Variants in ATP11B observed in about 807,000 individuals in gnomAD.
ATP11B encodes the protein phospholipid-transporting ATPase IF.
A neutral mutation model predicts 157.8 loss-of-function variants in ATP11B; 81 were observed. That is an observed-to-expected ratio of 0.51 (90% confidence interval 0.43 to 0.62). The LOEUF is 0.62. Among genes scored for constraint, ATP11B ranks in the 20% least tolerant of loss-of-function variants. The pLI is 0.00. For missense variants in ATP11B, 1,165 were observed against 1,402.2 expected (o/e 0.83, Z 2.70); for synonymous variants, 451 against 469.4 (o/e 0.96, Z 0.51).
chr3:182,918,567 G>C lies in ATP11B; in HGVS notation c.*463G>C. The C allele has an allele frequency of 2.6e-6, 1 of 389,318 alleles. No homozygotes were observed. Among genetic ancestry groups the C allele is most frequent in the East Asian group, 3.6e-5 (1 of 27,554 alleles). 24.1% of individuals were successfully genotyped at this position (389,318 alleles called of 1,614,324 possible). ...TTTTTTTATTAGAGTTATATTTAAA[G>C]CTTTTCATGGGAAAAGTTAATGTGA... On this transcript the variant is annotated 3_prime_UTR_variant, in exon 30 of 30. Transcript: ENST00000323116.
chr3:182,799,577 AGT>A (rs1233680909), intron 1 of ATP11B, among the ~76,000 whole-genome samples: 2 of 152,056 alleles, frequency 1.3e-5, no homozygotes, highest in African/African-American at 4.8e-5. Context: ...GCCCGGCCCG[AGT>A]GCTGATCATT....
At position 182,794,933 on chromosome 3, in the gene ATP11B, T is replaced by C. The variant is rs536491237; in HGVS notation, c.27+1147T>C. 2.0e-5 allele frequency among the ~76,000 whole-genome samples: 3 copies of C among 152,346 alleles called. No homozygotes were observed. The East Asian group carries it at 5.8e-4, about 29-fold the overall frequency. On this transcript the variant is annotated intron_variant, in intron 1 of 29. Transcript: ENST00000323116. ...TGGGACGAAAGCACTGATAACTCTT[T>C]TTCCCTTCTGCTCTAGAAAAGCATT...
chr3:182,883,792 A>G (rs1390243635), intron 21 of ATP11B, among the ~76,000 whole-genome samples: 2 of 150,316 alleles, frequency 1.3e-5, no homozygotes, highest in East Asian at 4.0e-4. Flanking sequence ...CGTCTCTACT[A>G]AAAATACAAA....
intron 7 of ATP11B, among the ~76,000 whole-genome samples, chr3:182,840,059 T>G (rs73050639): frequency 0.12 from 18,827 of 152,224 alleles, 1,321 homozygotes; most frequent in African/African-American, 0.19. Flanking sequence ...TCCAAGTGCA[T>G]GTACTAGAAC....
chr3:182,868,300 A>G (rs1419052266), intron 15 of ATP11B, among the ~76,000 whole-genome samples: 3 of 149,608 alleles, frequency 2.0e-5, no homozygotes, highest in Admixed American at 6.7e-5. Context: ...AATTCTGATC[A>G]TATGTCAATT....
In ATP11B at chr3:182,902,653, T is replaced by C. The variant is rs1724048667; in HGVS notation, c.3318+3881T>C. 5 of 801,656 alleles carry C rather than the reference T, an allele frequency of 6.2e-6. No homozygotes were observed. The South Asian group carries it at 9.2e-5, about 15-fold the overall frequency. 49.7% of individuals were successfully genotyped at this position (801,656 alleles called of 1,614,324 possible). On this transcript the variant is annotated intron_variant, in intron 28 of 29. Transcript: ENST00000323116. Reference sequence around the variant, plus strand: ...ATCAAAAGATGGGCAGAGGCATAAATAAAGAGCGGGGCATTTTTGTTAGCA... The same window carrying C: ...ATCAAAAGATGGGCAGAGGCATAAACAAAGAGCGGGGCATTTTTGTTAGCA...
chr3:182,913,973 G>A lies in ATP11B; in HGVS notation c.3431G>A (p.Cys1144Tyr), dbSNP rs1480968650. ...ATGCTGGAACGAGTTATAGGAAGAT[G>A]TAGTCCAACCCACATCAGCAGGTGT... ...GRMLERVIGRCSPTHISRSWS... is the reference protein window; with the variant it reads ...GRMLERVIGRYSPTHISRSWS... The change falls in exon 29 of 30, where the codon TGT (cysteine) becomes TAT (tyrosine). Residue 1144 changes from cysteine (C) to tyrosine (Y), a missense_variant. By Grantham distance (194) the Cys-to-Tyr change is radical. This residue lies in a region of ATP11B where 303 missense variants were observed against 296.3 expected (regional missense o/e 1.02). Transcript: ENST00000323116. 1.9e-6 allele frequency: 3 copies of A among 1,613,950 alleles called. No homozygotes were observed. The highest frequency in any genetic ancestry group is 2.5e-6 in the Non-Finnish European group (3 of 1,179,944).
intron 29 of ATP11B, chr3:182,917,540 A>C (rs929589725): frequency 1.0e-6 from 1 of 985,370 alleles, no homozygotes; most frequent in Non-Finnish European, 1.2e-6. Context: ...CATTCGCTAC[A>C]TTCAAGCTAA....
chr3:182,808,750 G>A (rs1370764437), intron 1 of ATP11B, among the ~76,000 whole-genome samples: 1 of 151,902 alleles, frequency 6.6e-6, no homozygotes, highest in Non-Finnish European at 1.5e-5. Flanking sequence ...ATTTTAGAAT[G>A]GTTTTTGATT....
At position 182,877,780 on chromosome 3, in the gene ATP11B, A is replaced by G. The variant is rs1433940569; in HGVS notation, c.2253-1716A>G. On this transcript the variant is annotated intron_variant, in intron 19 of 29. Coordinates refer to ENST00000323116, the MANE Select transcript of ATP11B (RefSeq NM_014616.3). ...GACAGGGTATGAAGAGTAGTGATGCATGAGGGCTACAGAGATGAGTAAATG... is the reference window on the plus strand; with the variant it reads ...GACAGGGTATGAAGAGTAGTGATGCGTGAGGGCTACAGAGATGAGTAAATG... Among the ~76,000 whole-genome samples the G allele has an allele frequency of 2.0e-5, 3 of 152,206 alleles. No homozygotes were observed. In the East Asian group the frequency reaches 5.8e-4, roughly 29 times the overall value.
rs563045244 is a variant in ATP11B at position 182,902,397 on chromosome 3, A to G, written c.3318+3625A>G. ...TCGTGTAGGAACAGATGTATTTACAAAGCTTGTCCTGTGTCTGTCTCTTAG... is the reference window on the plus strand; with the variant it reads ...TCGTGTAGGAACAGATGTATTTACAGAGCTTGTCCTGTGTCTGTCTCTTAG... On this transcript the variant is annotated intron_variant, in intron 28 of 29. Transcript: ENST00000323116. 2.7e-4 allele frequency: 188 copies of G among 695,640 alleles called. 2 individuals carry two copies. The African/African-American group carries it at 3.1e-3, about 11-fold the overall frequency. The allele number at this position is 695,640 out of a possible 1,614,324, so 43.1% of individuals were successfully genotyped here.
chr3:182,820,035 GA>G (rs924312950), intron 1 of ATP11B, among the ~76,000 whole-genome samples: 14 of 148,452 alleles, frequency 9.4e-5, no homozygotes, highest in Admixed American at 6.7e-4. Context: ...ACCTGTGAAA[GA>G]AAAAAAAATA....
In ATP11B at chr3:182,899,615, T is replaced by A. The variant is rs183860008; in HGVS notation, c.3318+843T>A. ...CAAATATTAGCAGTATGTTACATAG[T>A]GCTTAAGAATCTTTGGGGCCTGATA... On this transcript the variant is annotated intron_variant, in intron 28 of 29. Coordinates refer to ENST00000323116, the MANE Select transcript of ATP11B (RefSeq NM_014616.3). Among the ~76,000 whole-genome samples the A allele has an allele frequency of 1.4e-4, 22 of 152,338 alleles. No homozygotes were observed. The East Asian group carries it at 3.9e-3, about 27-fold the overall frequency.
chr3:182,824,013 A>G lies in ATP11B; in HGVS notation c.144+3637A>G, dbSNP rs933302625. Among the ~76,000 whole-genome samples the G allele has an allele frequency of 2.6e-5, 4 of 151,748 alleles. No homozygotes were observed. The East Asian group carries it at 7.7e-4, about 29-fold the overall frequency. On this transcript the variant is annotated intron_variant, in intron 2 of 29. Coordinates refer to ENST00000323116, the MANE Select transcript of ATP11B (RefSeq NM_014616.3). ...TCCCCCTCCTCCTCACCCCCCAGGC[A>G]CTAGCAACCACTGATCTGCTTTCTG...
chr3:182,831,566 A>T (rs1203372975), intron 4 of ATP11B, among the ~76,000 whole-genome samples: 5 of 104,254 alleles, frequency 4.8e-5, no homozygotes. Flanking sequence ...TTCCTTCTTC[A>T]TTTCCTACCA....
rs748306152 is a variant in ATP11B, at chr3:182,858,080, G to A, written c.1002+52G>A. On this transcript the variant is annotated intron_variant, in intron 11 of 29. Coordinates refer to ENST00000323116, the MANE Select transcript of ATP11B (RefSeq NM_014616.3). Reference sequence around the variant, plus strand: ...CATAAAGGAAACTATTACTTGGCACGATTAGTGCTTTGGTAGTGACTTCTG... The same window carrying A: ...CATAAAGGAAACTATTACTTGGCACAATTAGTGCTTTGGTAGTGACTTCTG... 87 of 1,500,962 alleles carry A rather than the reference G, an allele frequency of 5.8e-5. No individual in the cohort carries two copies. In the East Asian group the frequency reaches 1.4e-3, roughly 25 times the overall value. The allele number at this position is 1,500,962 out of a possible 1,614,324, so 93.0% of individuals were successfully genotyped here. A position where few individuals can be genotyped will look rare whatever the true frequency, so the allele number is the denominator to read the frequency against.
intron 1 of ATP11B, among the ~76,000 whole-genome samples, chr3:182,802,470 A>G (rs909227392): frequency 2.0e-5 from 3 of 151,940 alleles, no homozygotes; most frequent in African/African-American, 4.8e-5. Context: ...CTCCATCACT[A>G]TTCTCTCACT....
chr3:182,873,184 T>C (rs1721789850), intron 18 of ATP11B, among the ~76,000 whole-genome samples: 1 of 152,366 alleles, frequency 6.6e-6, no homozygotes, highest in East Asian at 1.9e-4. Flanking sequence ...ATTTATTCTT[T>C]GTCTTTGTTC....
intron 25 of ATP11B, among the ~76,000 whole-genome samples, chr3:182,892,407 A>G (rs996433177): frequency 9.9e-5 from 15 of 152,176 alleles, no homozygotes; most frequent in African/African-American, 3.4e-4. Flanking sequence ...TAAACAATTG[A>G]GGGCCTAGAG....
Sources: gnomAD v4.1 joint callset for allele counts (sites outside exome capture counted in the v4.1 genomes callset) on GRCh38, gnomAD v4.1.1 for gene constraint, gnomAD v4.1.1 regional missense constraint, MANE v1.5 for transcripts, NCBI Gene and HGNC (gene_info 2026-07-23, HGNC 2026-07-21) for gene names.